ADAMTS8: variants seen among roughly 807,000 people sequenced by gnomAD.
ADAMTS8 encodes A disintegrin and metalloproteinase with thrombospondin motifs 8.
A neutral mutation model predicts 64.4 loss-of-function variants in ADAMTS8; 50 were observed. That is an observed-to-expected ratio of 0.78 (90% CI 0.62 to 0.98). The LOEUF (loss-of-function observed/expected upper bound fraction) is 0.98. Ranked by LOEUF, ADAMTS8 falls within the 50% of genes least tolerant of loss-of-function variation. The pLI, the probability that ADAMTS8 is intolerant of heterozygous loss-of-function variation, is 0.00. For synonymous variants in ADAMTS8, 556 were observed against 533.6 expected, an observed-to-expected ratio of 1.04 and a Z score of -0.58; for missense variants, 1,192 against 1,208.2, an observed-to-expected ratio of 0.99 and a Z score of 0.20.
intron 1 of ADAMTS8, among the ~76,000 whole-genome samples, chr11:130,420,863 C>T (rs114962336): frequency 4.6e-5 from 7 of 151,970 alleles, no homozygotes; most frequent in East Asian, 1.9e-4. Context: ...ATTATGCAAC[C>T]GGGGGTGAGC....
At position 130,427,585 on chromosome 11, in the gene ADAMTS8, G is replaced by T; in HGVS notation, c.702C>A (p.Phe234Leu). The stretch of plus-strand genomic sequence containing the variant: ...GTCCTACCTGCAGGTCGGCCCCGTA[G>T]AAGGCAGCCATGGACGCATCGGCCA... The part of the protein sequence containing the change: ...LLVADASMAA[F>L]YGADLQNHIL... The change falls in exon 1 of 9, where the codon TTC (phenylalanine) becomes TTA (leucine). Residue 234 changes from phenylalanine to leucine, a missense_variant. By Grantham distance (22) the Phe-to-Leu change is conservative. Transcript: ENST00000257359. The T allele has an allele frequency of 6.5e-7, 1 of 1,540,100 alleles. No individual in the cohort carries two copies. The highest frequency in any genetic ancestry group is 8.7e-7 in the Non-Finnish European group (1 of 1,147,092).
chr11:130,412,376 G>A (rs1271206694), intron 5 of ADAMTS8, among the ~76,000 whole-genome samples: 2 of 152,094 alleles, frequency 1.3e-5, no homozygotes, highest in African/African-American at 2.4e-5. Context: ...TCCACGCCTG[G>A]CTAATTTTTG....
intron 6 of ADAMTS8, among the ~76,000 whole-genome samples, chr11:130,410,517 A>C (rs1861939357): frequency 6.6e-6 from 1 of 152,154 alleles, no homozygotes; most frequent in South Asian, 2.1e-4. Context: ...AAGTTTCTAG[A>C]GCCTCAAACC....
At chr11:130,422,159 G>T (rs1324043495) in intron 1 of ADAMTS8, among the ~76,000 whole-genome samples, 1 of 152,190 alleles carries the variant, frequency 6.6e-6, no homozygotes, top group Non-Finnish European at 1.5e-5. Context: ...TGAACATCAG[G>T]CCAGTCAGGG....
At chr11:130,421,328 G>C (rs984461363) in intron 1 of ADAMTS8, among the ~76,000 whole-genome samples, 3 of 152,156 alleles carry the variant, frequency 2.0e-5, no homozygotes, top group African/African-American at 7.2e-5. Context: ...ATCAGGGCAA[G>C]ACAGCACAAG....
Position 130,405,687 on chromosome 11 carries a change from G to A in ADAMTS8, c.2541C>T (p.Thr847=). ...VLGDWSECSS[T]CGAGWQRRTV... ...TTCGCCTCTGCCAGCCGGCCCCGCAGGTGCTAGAGCACTCAGACCAGTCCC... is the reference window on the plus strand; with the variant it reads ...TTCGCCTCTGCCAGCCGGCCCCGCAAGTGCTAGAGCACTCAGACCAGTCCC... The change falls in exon 9 of 9, where the codon ACC becomes ACT. Residue 847 remains threonine (T), a synonymous_variant. Transcript: ENST00000257359. 6.2e-7 allele frequency: 1 copy of A among 1,614,124 alleles called. No homozygotes were observed. The highest frequency in any genetic ancestry group is 8.5e-7 in the Non-Finnish European group (1 of 1,179,982).
In ADAMTS8 at chr11:130,416,540, A is replaced by G. The variant is rs183256760; in HGVS notation, c.1097-210T>C. On this transcript the variant is annotated intron_variant, in intron 3 of 8. Coordinates refer to ENST00000257359, the MANE Select transcript of ADAMTS8 (RefSeq NM_007037.6). This position sits in a 1 kb window ranked among gnomAD's most constrained non-coding sequence, Gnocchi z 4.8. ...CGGATACCCCTTTATTTTCTGCCTC[A>G]GCCCGTCCTGAATTTGGATCTAGCT... Among the ~76,000 whole-genome samples the G allele has an allele frequency of 6.6e-6, 1 of 152,346 alleles. No individual in the cohort carries two copies. The highest frequency in any genetic ancestry group is 1.9e-4 in the East Asian group (1 of 5,174).
In ADAMTS8 at chr11:130,419,109, G is replaced by A; in HGVS notation, c.904C>T (p.Gln302Ter). 6.2e-7 allele frequency: 1 copy of A among 1,614,194 alleles called. No homozygotes were observed. ...NFCNWQRRFN[Q>*]PSDRHPEHYD... ...TGCTCTGGGTGGCGGTCGCTGGGCT[G>A]GTTGAAACGCCGCTGCCAGTTGCAG... Residue 302 changes from glutamine to a stop codon, truncating the protein, a stop_gained, in exon 2 of 9, where the codon CAG becomes TAG. Transcript: ENST00000257359. LOFTEE classifies it high-confidence loss of function.
chr11:130,420,864 G>A (rs572878863), intron 1 of ADAMTS8, among the ~76,000 whole-genome samples: 3 of 152,078 alleles, frequency 2.0e-5, no homozygotes, highest in Non-Finnish European at 2.9e-5. Context: ...TTATGCAACC[G>A]GGGGTGAGCG....
At chr11:130,415,801 C>G (rs940325691) in intron 4 of ADAMTS8, among the ~76,000 whole-genome samples, 5 of 152,054 alleles carry the variant, frequency 3.3e-5, no homozygotes, top group Admixed American at 3.3e-4. Flanking sequence ...TCCCCGCCCT[C>G]TTGCTCTCAC....
intron 5 of ADAMTS8, among the ~76,000 whole-genome samples, chr11:130,412,491 A>C (rs1049773839): frequency 2.0e-5 from 3 of 152,028 alleles, no homozygotes; most frequent in Non-Finnish European, 4.4e-5. Flanking sequence ...TGGGATTACA[A>C]GTGTGAGCCA....
intron 1 of ADAMTS8, among the ~76,000 whole-genome samples, chr11:130,420,071 G>A (rs1862080471): frequency 6.6e-6 from 1 of 152,204 alleles, no homozygotes; most frequent in Non-Finnish European, 1.5e-5. Context: ...TTGAAACCAG[G>A]AGGCCAGCCC....
rs768014257 is a variant in ADAMTS8, at chr11:130,419,235, T to C, written c.778A>G (p.Lys260Glu). Residue 260 changes from lysine (K) to glutamate (E), a missense_variant, in exon 2 of 9, where the codon AAG becomes GAG. By Grantham distance (56) the Lys-to-Glu change is moderately conservative. Transcript: ENST00000257359. The part of the protein sequence containing the change: ...AARIYKHPSI[K>E]NSINLMVVKV... ...ACCACCATCAGGTTGATGGAATTCT[T>C]GATGCTGGGGTGCTTGTAGATTCGG... The C allele has an allele frequency of 6.2e-6, 10 of 1,614,110 alleles. No individual in the cohort carries two copies. In the East Asian group the frequency reaches 1.8e-4, roughly 29 times the overall value.
At position 130,419,213 on chromosome 11, in the gene ADAMTS8, A is replaced by G. The variant is rs1315731851; in HGVS notation, c.800T>C (p.Val267Ala). The G allele has an allele frequency of 6.2e-7, 1 of 1,613,812 alleles. No individual in the cohort carries two copies. The highest frequency in any genetic ancestry group is 2.2e-5 in the East Asian group (1 of 44,882). ...PSIKNSINLM[V>A]VKVLIVEDEK... is the part of the protein sequence containing the mutation. ...ATCTTCTACGATCAGCACTTTTACC[A>G]CCATCAGGTTGATGGAATTCTTGAT... The change falls in exon 2 of 9, where the codon GTG becomes GCG. Residue 267 changes from valine (V) to alanine (A), a missense_variant. This residue lies in a region of ADAMTS8 where 741 missense variants were observed against 710.6 expected (regional missense o/e 1.04). Transcript: ENST00000257359.
chr11:130,424,322 C>T (rs530501498), intron 1 of ADAMTS8, among the ~76,000 whole-genome samples: 1 of 152,318 alleles, frequency 6.6e-6, no homozygotes, highest in East Asian at 1.9e-4. Context: ...GTGAGCTGTG[C>T]AGTCTCCCTC....
intron 2 of ADAMTS8, 59 bp from the exon 3 acceptor site, chr11:130,417,134 G>T: frequency 6.2e-7 from 1 of 1,600,636 alleles, no homozygotes; most frequent in Non-Finnish European, 8.5e-7. Context: ...TGCGCTGCAG[G>T]CCTGCAGGGC....
In ADAMTS8 at chr11:130,405,733, A is replaced by G; in HGVS notation, c.2495T>C (p.Leu832Pro). The G allele has an allele frequency of 6.2e-7, 1 of 1,614,210 alleles. No homozygotes were observed. Among genetic ancestry groups the G allele is most frequent in the South Asian group, 1.1e-5 (1 of 91,090 alleles). The change falls in exon 9 of 9, where the codon CTC (leucine) becomes CCC (proline). Residue 832 changes from leucine (L) to proline (P), a missense_variant. Leu to Pro is a moderately conservative substitution (Grantham distance 98). Coordinates refer to ENST00000257359, the MANE Select transcript of ADAMTS8 (RefSeq NM_007037.6). ...GTCCCCCAGCACCCACTGTGCGTGG[A>G]GCAGCGGCTGGATGATGTTGGTGGT... ...RATTNIIQPL[L>P]HAQWVLGDWS...
At chr11:130,425,581 T>A (rs1031882133) in intron 1 of ADAMTS8, among the ~76,000 whole-genome samples, 4 of 150,924 alleles carry the variant, frequency 2.7e-5, no homozygotes, top group Non-Finnish European at 1.5e-5. Flanking sequence ...AGCTTCTTAC[T>A]TTTTTTGTGT....
chr11:130,427,555 T>G lies in ADAMTS8; in HGVS notation c.720+12A>C. On this transcript the variant is annotated intron_variant, in intron 1 of 8. Coordinates refer to ENST00000257359, the MANE Select transcript of ADAMTS8 (RefSeq NM_007037.6). ...TCCGGGCACGGCGGCTGGAGGAGGC[T>G]CTCAGTCCTACCTGCAGGTCGGCCC... 1 of 1,531,596 alleles carries G rather than the reference T, an allele frequency of 6.5e-7. No individual in the cohort carries two copies. The highest frequency in any genetic ancestry group is 8.7e-7 in the Non-Finnish European group (1 of 1,145,084). The allele number at this position is 1,531,596 out of a possible 1,614,324, so 94.9% of individuals were successfully genotyped here.
Sources: allele counts gnomAD v4.1 joint callset (sites outside exome capture counted in the v4.1 genomes callset), GRCh38; gene constraint gnomAD v4.1.1; regional missense constraint gnomAD v4.1.1; non-coding constraint Gnocchi (gnomAD v3.1); transcripts MANE v1.5; gene names NCBI Gene and HGNC (gene_info 2026-07-23, HGNC 2026-07-21).